The following GDI2 variants were observed in gnomAD, a reference collection of about 807,000 sequenced individuals.
The protein encoded by GDI2 is rab GDP dissociation inhibitor beta.
GDI2 carries 22 observed loss-of-function variants against 54.2 expected under a neutral mutation model. The ratio of observed to expected loss-of-function variants is 0.41; its 90% CI spans 0.29 to 0.58. GDI2 has a LOEUF of 0.58. Among genes scored for constraint, GDI2 ranks in the 20% least tolerant of loss-of-function variants. The pLI is 0.35. For missense variants in GDI2, 422 were observed against 546.0 expected, an observed-to-expected ratio of 0.77 and a Z score of 2.26; for synonymous variants, 177 against 182.1, an observed-to-expected ratio of 0.97 and a Z score of 0.23.
intron 6 of GDI2, among the ~76,000 whole-genome samples, chr10:5,777,468 C>T (rs868290252): frequency 9.2e-5 from 14 of 152,074 alleles, no homozygotes; most frequent in African/African-American, 3.1e-4. Context: ...AGTGAGACTC[C>T]ATCTCAACAC....
rs146282355 is a variant in GDI2, at chr10:5,811,960, T to TAAA, written c.45+1251_45+1253dup. ...AAGTGTTATTTTGGGATGTTACCTG[T>TAAA]AAAAAAAAAAAAAAAAATTGGTTTG... On this transcript the variant is annotated intron_variant, in intron 1 of 10. Transcript: ENST00000380191. The TAAA allele has an allele frequency of 4.2e-3, 2,755 of 663,766 alleles. 9 individuals carry two copies. The highest frequency in any genetic ancestry group is 0.02 in the African/African-American group (894 of 44,334). 41.1% of individuals were successfully genotyped at this position (663,766 alleles called of 1,614,324 possible).
intron 4 of GDI2, among the ~76,000 whole-genome samples, chr10:5,793,890 G>A (rs952878171): frequency 9.2e-5 from 14 of 151,974 alleles, no homozygotes; most frequent in African/African-American, 2.7e-4. Flanking sequence ...AAGGCTGGGC[G>A]CGGTGGCTCA....
At chr10:5,798,318 T>C (rs1841192764) in intron 2 of GDI2, among the ~76,000 whole-genome samples, 1 of 152,214 alleles carries the variant, frequency 6.6e-6, no homozygotes, top group African/African-American at 2.4e-5. Flanking sequence ...CTGGGTGCGG[T>C]GGCTCATGCC....
intron 6 of GDI2, among the ~76,000 whole-genome samples, chr10:5,779,262 G>A (rs755007957): frequency 6.6e-6 from 1 of 152,096 alleles, no homozygotes; most frequent in Non-Finnish European, 1.5e-5. Flanking sequence ...CTGTAAAGCA[G>A]CAGTTTGGGA....
chr10:5,803,631 CT>C (rs1395395197), intron 1 of GDI2, among the ~76,000 whole-genome samples: 1 of 152,034 alleles, frequency 6.6e-6, no homozygotes, highest in Non-Finnish European at 1.5e-5. Context: ...AACTAGAGCC[CT>C]AAGCAAAGCA....
At chr10:5,802,616 AT>A (rs981705746) in intron 1 of GDI2, among the ~76,000 whole-genome samples, 4 of 151,774 alleles carry the variant, frequency 2.6e-5, no homozygotes, top group Non-Finnish European at 5.9e-5. Context: ...AAAAAGAATT[AT>A]GGAAAACTTA....
At chr10:5,800,823 A>T (rs1325426741) in intron 1 of GDI2, 118 bp from the exon 2 acceptor site, 10 of 675,322 alleles carry the variant, frequency 1.5e-5, no homozygotes, top group Admixed American at 6.6e-5. Context: ...TTCATGCAAC[A>T]TGACATAATT....
chr10:5,794,191 ATATAT>A (rs1564396002), intron 4 of GDI2, among the ~76,000 whole-genome samples: 529 of 31,836 alleles, frequency 0.017, 7 homozygotes, highest in South Asian at 0.035. Context: ...AAAAAAAAAT[ATATAT>A]ATATATATAT....
intron 6 of GDI2, among the ~76,000 whole-genome samples, chr10:5,783,966 G>T (rs1213741187): frequency 6.6e-6 from 1 of 152,146 alleles, no homozygotes; most frequent in Non-Finnish European, 1.5e-5. Context: ...TAAGCTTCTT[G>T]TATTTGGATG....
At chr10:5,788,089 G>A (rs74679113) in intron 4 of GDI2, among the ~76,000 whole-genome samples, 7,149 of 152,212 alleles carry the variant, frequency 0.047, 248 homozygotes, top group Middle Eastern at 0.16. Context: ...AACAGCATGA[G>A]AACCAGATAT....
intron 1 of GDI2, among the ~76,000 whole-genome samples, chr10:5,812,361 C>T (rs1330433862): frequency 1.3e-5 from 2 of 152,148 alleles, no homozygotes; most frequent in Admixed American, 6.5e-5. Flanking sequence ...ATGCATTCTT[C>T]ATGTTATTAT....
chr10:5,777,927 C>A (rs1226445401), intron 6 of GDI2, among the ~76,000 whole-genome samples: 1 of 152,150 alleles, frequency 6.6e-6, no homozygotes, highest in Non-Finnish European at 1.5e-5. Context: ...AAATGTGGCA[C>A]ATATACACCA....
At chr10:5,781,452 C>T (rs1312771110) in intron 6 of GDI2, among the ~76,000 whole-genome samples, 7 of 151,066 alleles carry the variant, frequency 4.6e-5, no homozygotes, top group East Asian at 2.0e-4. Context: ...AGTGAAACCC[C>T]GTCTCTACTA....
chr10:5,780,153 G>A (rs1840719426), intron 6 of GDI2, among the ~76,000 whole-genome samples: 1 of 151,542 alleles, frequency 6.6e-6, no homozygotes, highest in African/African-American at 2.4e-5. Context: ...AGGTTGCAAT[G>A]AGCCAAGATC....
intron 1 of GDI2, among the ~76,000 whole-genome samples, chr10:5,809,638 G>A (rs1021447690): frequency 1.3e-5 from 2 of 152,150 alleles, no homozygotes; most frequent in African/African-American, 4.8e-5. Context: ...TCTCCAACAC[G>A]AGAACAAGCT....
At position 5,765,651 on chromosome 10, in the gene GDI2, A is replaced by C. The variant is rs535183206; in HGVS notation, c.*355T>G. On this transcript the variant is annotated 3_prime_UTR_variant, in exon 11 of 11. Transcript: ENST00000380191. ...AACCTCAAGAGGACAGATGACACACAACCTGTATGGATCCAGCTCTTGAGC... is the reference window on the plus strand; with the variant it reads ...AACCTCAAGAGGACAGATGACACACCACCTGTATGGATCCAGCTCTTGAGC... The C allele has an allele frequency of 1.0e-4, 18 of 177,798 alleles. 1 individual carries two copies. In the East Asian group the frequency reaches 3.0e-3, roughly 30 times the overall value. 11.0% of individuals were successfully genotyped at this position (177,798 alleles called of 1,614,324 possible).
At chr10:5,810,446 A>T (rs1377615725) in intron 1 of GDI2, among the ~76,000 whole-genome samples, 5 of 152,234 alleles carry the variant, frequency 3.3e-5, no homozygotes, top group Non-Finnish European at 7.3e-5. Flanking sequence ...CACATGCTGA[A>T]AGCAGAGAAA....
intron 6 of GDI2, among the ~76,000 whole-genome samples, chr10:5,779,388 A>G (rs1038962469): frequency 6.6e-6 from 1 of 151,894 alleles, no homozygotes; most frequent in African/African-American, 2.4e-5. Flanking sequence ...TGTGCCTGTA[A>G]TCCCAGCTAC....
At chr10:5,778,287 A>C (rs1226898184) in intron 6 of GDI2, among the ~76,000 whole-genome samples, 1 of 152,246 alleles carries the variant, frequency 6.6e-6, no homozygotes, top group East Asian at 1.9e-4. Context: ...AATTTAAAAA[A>C]AAGTATAAAA....
Sources: allele counts gnomAD v4.1 joint callset (sites outside exome capture counted in the v4.1 genomes callset), GRCh38; gene constraint gnomAD v4.1.1; transcripts MANE v1.5; gene names NCBI Gene and HGNC (gene_info 2026-07-23, HGNC 2026-07-21).